Variants in GPC5 observed in about 807,000 individuals in gnomAD.
The protein encoded by GPC5 is glypican 5.
A neutral mutation model predicts 53.9 loss-of-function variants in GPC5; 47 were observed. That is an observed-to-expected ratio of 0.87 (90% confidence interval 0.69 to 1.11). The LOEUF is 1.11. Among genes scored for constraint, GPC5 ranks in the 50% most tolerant of loss-of-function variants. The pLI, the probability that GPC5 is intolerant of heterozygous loss-of-function variation, is 0.00. For missense variants in GPC5, 748 were observed against 713.1 expected (o/e 1.05, Z -0.56); for synonymous variants, 286 against 263.3 (o/e 1.09, Z -0.84).
chr13:92,352,039 T>C (rs1478599983), intron 7 of GPC5, among the ~76,000 whole-genome samples: 1 of 152,190 alleles, frequency 6.6e-6, no homozygotes, highest in African/African-American at 2.4e-5. Flanking sequence ...ATGAGATACC[T>C]GTTAAACCAG....
intron 3 of GPC5, among the ~76,000 whole-genome samples, chr13:91,702,956 AC>A (rs2139864164): frequency 6.6e-6 from 1 of 152,220 alleles, no homozygotes; most frequent in East Asian, 1.9e-4. Context: ...TGGAAGTGCT[AC>A]AGATTTTATG....
intron 2 of GPC5, among the ~76,000 whole-genome samples, chr13:91,503,816 T>TC (rs1253909387): frequency 7.3e-4 from 108 of 147,798 alleles, no homozygotes; most frequent in African/African-American, 2.5e-3. Flanking sequence ...ATAATAATAA[T>TC]AATCAGGCTG....
chr13:91,518,520 T>TA (rs574537101), intron 2 of GPC5, among the ~76,000 whole-genome samples: 33 of 152,320 alleles, frequency 2.2e-4, no homozygotes, highest in African/African-American at 7.5e-4. Context: ...GGCAAAGCTT[T>TA]ATAGCTCCAT....
chr13:92,154,286 C>T (rs1593937931), intron 7 of GPC5, among the ~76,000 whole-genome samples: 2 of 152,270 alleles, frequency 1.3e-5, no homozygotes, highest in Non-Finnish European at 2.9e-5. Context: ...CACCAGGCCC[C>T]AGCTCCAACA....
chr13:91,519,534 CCTT>C (rs1885691708), intron 2 of GPC5, among the ~76,000 whole-genome samples: 1 of 152,156 alleles, frequency 6.6e-6, no homozygotes, highest in South Asian at 2.1e-4. Context: ...CTCTCTGTCT[CCTT>C]CTTCGGCCAT....
At chr13:91,850,023 C>G (rs2038895753) in intron 5 of GPC5, among the ~76,000 whole-genome samples, 1 of 152,160 alleles carries the variant, frequency 6.6e-6, no homozygotes, top group African/African-American at 2.4e-5. Context: ...GTATATCAAA[C>G]TGGCACTTAA....
chr13:92,362,210 A>G (rs936101740), intron 7 of GPC5, among the ~76,000 whole-genome samples: 8 of 151,672 alleles, frequency 5.3e-5, no homozygotes, highest in African/African-American at 2.0e-4. Flanking sequence ...GAGTTTGTGC[A>G]TCCATTTTGC....
At chr13:91,867,987 G>C (rs933958168) in intron 5 of GPC5, among the ~76,000 whole-genome samples, 6 of 152,084 alleles carry the variant, frequency 3.9e-5, no homozygotes, top group Admixed American at 2.6e-4. Flanking sequence ...GCTCTTAAAT[G>C]AGCTGATTAA....
intron 7 of GPC5, among the ~76,000 whole-genome samples, chr13:92,151,052 C>T (rs73620822): frequency 0.012 from 1,817 of 151,772 alleles, 45 homozygotes; most frequent in African/African-American, 0.042. Context: ...ATTGAAATGG[C>T]GATATTCTGT....
intron 7 of GPC5, among the ~76,000 whole-genome samples, chr13:92,816,995 A>G (rs1204394634): frequency 6.6e-6 from 1 of 151,950 alleles, no homozygotes; most frequent in Non-Finnish European, 1.5e-5. Flanking sequence ...CTCCCGGTCT[A>G]GAAACCTATA....
chr13:91,994,204 C>T lies in GPC5; in HGVS notation c.1401+86147C>T, dbSNP rs149090267. ...ACTGCAAGTGAATATGCATGTATACCGTAAAGGAGAGAAAGCTTTATCAAG... is the reference window on the plus strand; with the variant it reads ...ACTGCAAGTGAATATGCATGTATACTGTAAAGGAGAGAAAGCTTTATCAAG... On this transcript the variant is annotated intron_variant, in intron 6 of 7. Coordinates refer to ENST00000377067, the MANE Select transcript of GPC5 (RefSeq NM_004466.6). 5.3e-3 allele frequency among the ~76,000 whole-genome samples: 801 copies of T among 152,162 alleles called. 14 individuals are homozygous for T. Among genetic ancestry groups the T allele is most frequent in the African/African-American group, 0.019 (771 of 41,518 alleles).
chr13:92,731,381 A>T (rs1196934563), intron 7 of GPC5, among the ~76,000 whole-genome samples: 2 of 151,594 alleles, frequency 1.3e-5, no homozygotes, highest in Non-Finnish European at 3.0e-5. Context: ...TATGAAACAA[A>T]AAGTATATAA....
chr13:91,830,786 T>C (rs1386656496), intron 5 of GPC5, among the ~76,000 whole-genome samples: 1 of 115,264 alleles, frequency 8.7e-6, no homozygotes, highest in Non-Finnish European at 1.8e-5. Flanking sequence ...AAAATATATA[T>C]ATACTATTAT....
chr13:92,223,540 A>G lies in GPC5; in HGVS notation c.1561+78551A>G, dbSNP rs144372130. Among the ~76,000 whole-genome samples the G allele has an allele frequency of 5.1e-3, 783 of 152,184 alleles. 12 individuals are homozygous for G. The highest frequency in any genetic ancestry group is 0.042 in the South Asian group (204 of 4,820). On this transcript the variant is annotated intron_variant, in intron 7 of 7. Transcript: ENST00000377067. ...ATTTGTTTGCAAAAATACAACTTCT[A>G]CAATTGGGTTATATTTCTTATGATA...
chr13:91,426,813 A>G (rs1036881814), intron 1 of GPC5, among the ~76,000 whole-genome samples: 1 of 152,118 alleles, frequency 6.6e-6, no homozygotes, highest in Non-Finnish European at 1.5e-5. Flanking sequence ...CCACTGATTC[A>G]AATGTTAATC....
chr13:91,554,327 G>A (rs1055685309), intron 2 of GPC5, among the ~76,000 whole-genome samples: 5 of 151,444 alleles, frequency 3.3e-5, no homozygotes, highest in South Asian at 2.1e-4. Context: ...ACACATGCAC[G>A]TGGACACATA....
At chr13:92,132,678 GC>G (rs1404529541) in intron 6 of GPC5, among the ~76,000 whole-genome samples, 2 of 151,940 alleles carry the variant, frequency 1.3e-5, no homozygotes, top group African/African-American at 2.4e-5. Context: ...TTGGATTAGG[GC>G]CCACCCTAAT....
intron 2 of GPC5, among the ~76,000 whole-genome samples, chr13:91,682,603 A>G (rs1336691860): frequency 6.6e-6 from 1 of 152,234 alleles, no homozygotes; most frequent in Non-Finnish European, 1.5e-5. Flanking sequence ...ATTGGGAGAT[A>G]GAAAGATGAA....
In GPC5 at chr13:92,866,581, T is replaced by A. The variant is rs1048372737; in HGVS notation, c.*142T>A. 4.7e-6 allele frequency: 3 copies of A among 633,224 alleles called. No homozygotes were observed. Among genetic ancestry groups the A allele is most frequent in the Non-Finnish European group, 7.4e-6 (3 of 404,860 alleles). 39.2% of individuals were successfully genotyped at this position (633,224 alleles called of 1,614,324 possible). On this transcript the variant is annotated 3_prime_UTR_variant, in exon 8 of 8. Transcript: ENST00000377067. ...TACACTAACTTCTCAGAAGCCAAGC[T>A]GAAATATTCATAAAGTCCCTAAAAC...
Sources: allele counts gnomAD v4.1 joint callset (sites outside exome capture counted in the v4.1 genomes callset), GRCh38; gene constraint gnomAD v4.1.1; transcripts MANE v1.5; gene names NCBI Gene and HGNC (gene_info 2026-07-23, HGNC 2026-07-21).